The following TMEM175 variants were observed in gnomAD, a reference collection of about 807,000 sequenced individuals.
TMEM175 encodes endosomal/lysosomal proton channel TMEM175.
A neutral mutation model predicts 36.5 loss-of-function variants in TMEM175; 36 were observed. The ratio of observed to expected loss-of-function variants is 0.99; its 90% CI spans 0.76 to 1.30. The LOEUF is 1.30. Among genes scored for constraint, TMEM175 ranks in the 50% most tolerant of loss-of-function variants. TMEM175 has a pLI of 0.00. For missense variants in TMEM175, 705 were observed against 692.8 expected (o/e 1.02, Z -0.20); for synonymous variants, 339 against 313.4 (o/e 1.08, Z -0.86).
chr4:952,474 CTGTG>C (rs3066989), intron 7 of TMEM175, 24 bp downstream of exon 7: 221,801 of 989,286 alleles, frequency 0.22, 7,791 homozygotes, highest in Non-Finnish European at 0.23. Context: ...GGGGCCTGCA[CTGTG>C]TGTGTGTGTG....
At chr4:956,740 G>C (rs753059446) in intron 10 of TMEM175, 8 of 321,720 alleles carry the variant, frequency 2.5e-5, no homozygotes, top group Non-Finnish European at 4.8e-5. Flanking sequence ...CACCGTGCCC[G>C]GCCATCGTAA....
At chr4:951,338 C>T (rs1728864532) in intron 5 of TMEM175, 80 bp downstream of exon 5, 14 of 1,513,070 alleles carry the variant, frequency 9.3e-6, no homozygotes, top group Admixed American at 3.3e-5. Context: ...AGGGAGCAGC[C>T]GGCCTCTCTC....
chr4:939,177 G>T (rs757207896), intron 1 of TMEM175, among the ~76,000 whole-genome samples: 5 of 152,226 alleles, frequency 3.3e-5, no homozygotes, highest in Non-Finnish European at 7.3e-5. Flanking sequence ...TGACCCACAG[G>T]TATCTATGCT....
At chr4:956,242 A>G in intron 10 of TMEM175, 1 of 1,085,644 alleles carries the variant, frequency 9.2e-7, no homozygotes. Context: ...CCCCTGCCCC[A>G]ACACCAGCCC....
intron 1 of TMEM175, among the ~76,000 whole-genome samples, chr4:941,855 A>G (rs977752724): frequency 1.3e-5 from 2 of 152,102 alleles, no homozygotes; most frequent in Non-Finnish European, 2.9e-5. Context: ...GAATTGCTAG[A>G]GCCCAGCCTG....
chr4:952,291 C>A, intron 6 of TMEM175, 76 bp from the exon 7 acceptor site: 1 of 1,359,720 alleles, frequency 7.4e-7, no homozygotes, highest in Non-Finnish European at 1.0e-6. Context: ...GGGAGGCTCA[C>A]CATGGCCCAG....
intron 1 of TMEM175, among the ~76,000 whole-genome samples, chr4:937,912 A>G (rs1726973838): frequency 6.6e-6 from 1 of 152,154 alleles, no homozygotes; most frequent in African/African-American, 2.4e-5. Context: ...TGTAATTCAC[A>G]CTCTTGAGAG....
At chr4:948,224 G>C (rs766832099) in intron 3 of TMEM175, 70 bp downstream of exon 3, 1 of 1,613,272 alleles carries the variant, frequency 6.2e-7, no homozygotes, top group Non-Finnish European at 8.5e-7. Context: ...GCTCGACCTG[G>C]CACAGGGTGC....
chr4:941,000 C>G lies in TMEM175; in HGVS notation c.-31-6709C>G, dbSNP rs187642504. On this transcript the variant is annotated intron_variant, in intron 1 of 10. Coordinates refer to ENST00000264771, the MANE Select transcript of TMEM175 (RefSeq NM_032326.4). ...CAGCCTGGGTGACAGAGTGAGACTC[C>G]GTCTCAAAATAATAATAATAATAAT... 4.8e-5 allele frequency among the ~76,000 whole-genome samples: 4 copies of G among 82,918 alleles called. No individual in the cohort carries two copies. The South Asian group carries it at 1.6e-3, about 33-fold the overall frequency. The allele number at this position is 82,918 out of a possible 152,430, so 54.4% of individuals were successfully genotyped here.
intron 1 of TMEM175, among the ~76,000 whole-genome samples, chr4:936,037 C>T (rs906388751): frequency 2.0e-4 from 31 of 152,250 alleles, no homozygotes; most frequent in African/African-American, 7.2e-4. Context: ...AAATCAGTGA[C>T]CTCAGCAATC....
At chr4:946,865 A>G (rs1343868064) in intron 1 of TMEM175, among the ~76,000 whole-genome samples, 91 of 123,954 alleles carry the variant, frequency 7.3e-4, no homozygotes, top group Middle Eastern at 6.6e-3. Flanking sequence ...ACGCGTGCAC[A>G]GGCGCCGAGA....
chr4:952,281 G>T (rs2153003025), intron 6 of TMEM175, 86 bp from the exon 7 acceptor site: 3 of 1,208,436 alleles, frequency 2.5e-6, no homozygotes, highest in South Asian at 2.4e-5. Flanking sequence ...CCGTGGAGTG[G>T]GGAGGCTCAC....
At chr4:956,216 C>T (rs1174196247) in intron 10 of TMEM175, 5 of 986,332 alleles carry the variant, frequency 5.1e-6, no homozygotes, top group East Asian at 4.7e-5. Flanking sequence ...TGGGTATCCC[C>T]CTGCCCCAGG....
At chr4:952,970 T>G in intron 7 of TMEM175, among the ~76,000 whole-genome samples, 1 of 151,842 alleles carries the variant, frequency 6.6e-6, no homozygotes, top group Middle Eastern at 3.2e-3. Context: ...TCTCTCCACC[T>G]CAGCCCCTGT....
intron 1 of TMEM175, among the ~76,000 whole-genome samples, chr4:942,028 G>GT (rs1560476431): frequency 6.6e-6 from 1 of 151,404 alleles, no homozygotes; most frequent in Non-Finnish European, 1.5e-5. Context: ...TTTTGTATGT[G>GT]TATTAATTAG....
chr4:958,339 T>C lies in TMEM175; in HGVS notation c.1358T>C (p.Ile453Thr). 6.2e-7 allele frequency: 1 copy of C among 1,604,644 alleles called. No homozygotes were observed. Among genetic ancestry groups the C allele is most frequent in the Non-Finnish European group, 8.5e-7 (1 of 1,179,800 alleles). ...GTGGGCATCTTCCACCTCATGCAGA[T>C]CGCCGTGCCCTGCGCCTTCCTGTTG... ...FSVGIFHLMQ[I>T]AVPCAFLLLR... The change falls in exon 11 of 11, where the codon ATC (isoleucine) becomes ACC (threonine). Residue 453 changes from isoleucine (I) to threonine (T), a missense_variant. Coordinates refer to ENST00000264771, the MANE Select transcript of TMEM175 (RefSeq NM_032326.4).
At chr4:948,743 C>G in intron 3 of TMEM175, 4 of 1,065,362 alleles carry the variant, frequency 3.8e-6, no homozygotes, top group Non-Finnish European at 4.8e-6. Context: ...GCTCTGTGTC[C>G]TCATGACAGG....
At position 948,093 on chromosome 4, in the gene TMEM175, CTTCT is replaced by C. The variant is rs757686568; in HGVS notation, c.154-22_154-19del. On this transcript the variant is annotated intron_variant, in intron 2 of 10. Transcript: ENST00000264771. ...CAAGCGTCTCTTGCTCTCCTGCTTCCTTCTGTCTCTTTGCCCCCTCAGATCCTGC... is the reference window on the plus strand; with the variant it reads ...CAAGCGTCTCTTGCTCTCCTGCTTCCGTCTCTTTGCCCCCTCAGATCCTGC... The C allele has an allele frequency of 9.3e-6, 15 of 1,614,034 alleles. No individual in the cohort carries two copies. The highest frequency in any genetic ancestry group is 1.7e-5 in the Admixed American group (1 of 60,010).
chr4:954,869 C>T (rs898573854), intron 8 of TMEM175, among the ~76,000 whole-genome samples: 1 of 152,132 alleles, frequency 6.6e-6, no homozygotes, highest in South Asian at 2.1e-4. Context: ...TTTTGATCTG[C>T]GAGAGGTCGA....
Sources: gnomAD v4.1 joint callset for allele counts (sites outside exome capture counted in the v4.1 genomes callset) on GRCh38, gnomAD v4.1.1 for gene constraint, MANE v1.5 for transcripts, NCBI Gene and HGNC (gene_info 2026-07-23, HGNC 2026-07-21) for gene names.